The following PMS1 variants were observed in gnomAD, a reference collection of about 807,000 sequenced individuals.
PMS1 encodes PMS1 protein homolog 1.
In PMS1, 79 loss-of-function variants were observed where a neutral mutation model predicts 93.1. That is an observed-to-expected ratio of 0.85 (90% confidence interval 0.71 to 1.02). PMS1 has a LOEUF of 1.02. Among genes scored for constraint, PMS1 ranks in the 50% least tolerant of loss-of-function variants. The pLI, the probability that PMS1 is intolerant of heterozygous loss-of-function variation, is 0.00. For synonymous variants in PMS1, 335 were observed against 363.4 expected (o/e 0.92, Z 0.89); for missense variants, 1,064 against 1,085.3 (o/e 0.98, Z 0.28).
At chr2:189,801,458 G>A (rs1229123465) in intron 3 of PMS1, among the ~76,000 whole-genome samples, 1 of 152,016 alleles carries the variant, frequency 6.6e-6, no homozygotes, top group East Asian at 1.9e-4. Flanking sequence ...TAAAGATTGT[G>A]TATATTATTC....
At chr2:189,793,326 A>G (rs1575029887) in intron 2 of PMS1, among the ~76,000 whole-genome samples, 2 of 152,224 alleles carry the variant, frequency 1.3e-5, no homozygotes, top group South Asian at 4.1e-4. Flanking sequence ...ATACAACTTC[A>G]TAGTCTAGAT....
intron 11 of PMS1, among the ~76,000 whole-genome samples, chr2:189,872,536 C>A (rs145922590): frequency 1.1e-3 from 166 of 152,292 alleles, no homozygotes; most frequent in East Asian, 4.4e-3. Context: ...CAAAAATATG[C>A]ATTCTAAAGC....
intron 4 of PMS1, among the ~76,000 whole-genome samples, chr2:189,809,834 A>C (rs1246913760): frequency 6.6e-6 from 1 of 152,344 alleles, no homozygotes; most frequent in South Asian, 2.1e-4. Context: ...CTCCATCTCA[A>C]AATAATGATA....
chr2:189,817,666 A>G (rs1331734300), intron 4 of PMS1, among the ~76,000 whole-genome samples: 1 of 152,208 alleles, frequency 6.6e-6, no homozygotes, highest in Non-Finnish European at 1.5e-5. Context: ...TATATCTCCT[A>G]TAAATTATAT....
intron 2 of PMS1, 64 bp from the exon 3 acceptor site, chr2:189,795,701 GTTTC>G (rs1474169338): frequency 1.0e-4 from 130 of 1,249,220 alleles, no homozygotes; most frequent in South Asian, 8.2e-4. Flanking sequence ...TTTCACTTGT[GTTTC>G]TTTCTAAGTG....
At chr2:189,825,422 T>C (rs1293151770) in intron 5 of PMS1, among the ~76,000 whole-genome samples, 1 of 152,142 alleles carries the variant, frequency 6.6e-6, no homozygotes, top group Non-Finnish European at 1.5e-5. Context: ...ATTTATAAAG[T>C]AGTTATTTTG....
At chr2:189,863,701 C>G (rs748748709) in intron 9 of PMS1, 42 bp from the exon 10 acceptor site, 1 of 1,424,512 alleles carries the variant, frequency 7.0e-7, no homozygotes, top group South Asian at 1.2e-5. Flanking sequence ...TAATATATTT[C>G]TGATTATGAT....
chr2:189,786,028 G>T (rs539812862), intron 1 of PMS1, among the ~76,000 whole-genome samples: 1 of 152,156 alleles, frequency 6.6e-6, no homozygotes, highest in Non-Finnish European at 1.5e-5. Context: ...GCAGGGCTGG[G>T]ACAGGAGAAT....
intron 5 of PMS1, among the ~76,000 whole-genome samples, chr2:189,830,893 C>T (rs925394513): frequency 1.3e-5 from 2 of 152,184 alleles, no homozygotes; most frequent in African/African-American, 2.4e-5. Flanking sequence ...CTAGACACTT[C>T]CCACTTCTAT....
intron 12 of PMS1, 61 bp downstream of exon 12, chr2:189,873,717 G>A (rs369653933): frequency 1.3e-5 from 16 of 1,271,650 alleles, no homozygotes; most frequent in South Asian, 9.8e-5. Flanking sequence ...GGGCCAAGCC[G>A]GTTAGGAACC....
chr2:189,829,171 G>A (rs1575170856), intron 5 of PMS1, among the ~76,000 whole-genome samples: 1 of 152,152 alleles, frequency 6.6e-6, no homozygotes, highest in African/African-American at 2.4e-5. Flanking sequence ...TATACTCAGA[G>A]TACTGAGTAG....
chr2:189,829,308 A>G (rs577182886), intron 5 of PMS1, among the ~76,000 whole-genome samples: 2 of 152,288 alleles, frequency 1.3e-5, no homozygotes, highest in East Asian at 1.9e-4. Context: ...GCCCAAAACC[A>G]CACTCACTCC....
At chr2:189,831,213 A>T (rs1355515885) in intron 5 of PMS1, among the ~76,000 whole-genome samples, 1 of 152,208 alleles carries the variant, frequency 6.6e-6, no homozygotes, top group Non-Finnish European at 1.5e-5. Context: ...AGAATAGAGG[A>T]AGATAAATCC....
At chr2:189,873,739 C>A in intron 12 of PMS1, 83 bp downstream of exon 12, 3 of 988,698 alleles carry the variant, frequency 3.0e-6, no homozygotes, top group Non-Finnish European at 4.8e-6. Flanking sequence ...GGCCACACAG[C>A]AGGAGGTGAG....
intron 4 of PMS1, 140 bp downstream of exon 4, chr2:189,805,894 A>G: frequency 1.3e-6 from 2 of 1,538,430 alleles, no homozygotes; most frequent in Non-Finnish European, 1.7e-6. Context: ...TTCCAAGTAA[A>G]CATTCAGCCT....
intron 6 of PMS1, among the ~76,000 whole-genome samples, chr2:189,849,867 CTT>C (rs751444288): frequency 3.1e-4 from 37 of 118,794 alleles, no homozygotes; most frequent in Admixed American, 3.4e-4. Flanking sequence ...TATTTTTAAA[CTT>C]TTTTTTTTTT....
chr2:189,840,391 G>C (rs2053726019), intron 5 of PMS1, among the ~76,000 whole-genome samples: 1 of 152,182 alleles, frequency 6.6e-6, no homozygotes, highest in Non-Finnish European at 1.5e-5. Flanking sequence ...TTTGTGATTG[G>C]TACAAGAGTA....
intron 9 of PMS1, among the ~76,000 whole-genome samples, chr2:189,862,309 G>T (rs949338609): frequency 6.6e-6 from 1 of 151,998 alleles, no homozygotes; most frequent in African/African-American, 2.4e-5. Context: ...TATTTTTTAG[G>T]TCTAGAACTT....
chr2:189,787,039 G>A (rs1364729893), intron 1 of PMS1, among the ~76,000 whole-genome samples: 3 of 152,076 alleles, frequency 2.0e-5, no homozygotes, highest in African/African-American at 7.2e-5. Flanking sequence ...GGCAACAAGA[G>A]CGAAACCTGA....
Sources: gnomAD v4.1 joint callset for allele counts (sites outside exome capture counted in the v4.1 genomes callset) on GRCh38, gnomAD v4.1.1 for gene constraint, MANE v1.5 for transcripts, NCBI Gene and HGNC (gene_info 2026-07-23, HGNC 2026-07-21) for gene names.